Variants in LOC128125814 observed in about 807,000 individuals in gnomAD.
At chr12:57,518,111 C>A in the LOC128125814 span, among the ~76,000 whole-genome samples, 1 of 151,678 alleles carries the variant, frequency 6.6e-6, no homozygotes. Flanking sequence ...AGCTACCGTG[C>A]TGGGCCCTTA....
the LOC128125814 span, among the ~76,000 whole-genome samples, chr12:57,520,138 T>A: frequency 6.6e-6 from 1 of 152,330 alleles, no homozygotes; most frequent in African/African-American, 2.4e-5. Flanking sequence ...AGGCCTGAAG[T>A]TGGCTACGGG....
chr12:57,519,664 C>A, the LOC128125814 span, among the ~76,000 whole-genome samples: 6 of 152,222 alleles, frequency 3.9e-5, no homozygotes, highest in Admixed American at 6.5e-5. Context: ...GGTCAGAAGG[C>A]TGCAGAGCCA....
At chr12:57,520,238 G>T in the LOC128125814 span, among the ~76,000 whole-genome samples, 1 of 152,198 alleles carries the variant, frequency 6.6e-6, no homozygotes. Flanking sequence ...GGGGTGGAGA[G>T]ACGCCGTCGT....
At chr12:57,520,421 TCTC>T in the LOC128125814 span, 1 of 398,560 alleles carries the variant, frequency 2.5e-6, no homozygotes, top group East Asian at 3.6e-5. Context: ...TACTCGCCTC[TCTC>T]CTCAGGTTCC....
chr12:57,517,825 T>C, the LOC128125814 span: 1 of 430,038 alleles, frequency 2.3e-6, no homozygotes, highest in Non-Finnish European at 4.0e-6. Flanking sequence ...TTTTTCTTTT[T>C]TTCTTTCTTT....
the LOC128125814 span, among the ~76,000 whole-genome samples, chr12:57,518,302 T>C: frequency 6.6e-6 from 1 of 152,184 alleles, no homozygotes; most frequent in Non-Finnish European, 1.5e-5. Flanking sequence ...CTCAGCTTTC[T>C]CTAAATCCAA....
the LOC128125814 span, chr12:57,517,832 C>CT: frequency 0.22 from 78,833 of 365,838 alleles, 2,950 homozygotes; most frequent in East Asian, 0.29. Flanking sequence ...TTTTTTCTTT[C>CT]TTTTTTTTTT....
chr12:57,517,957 G>C, the LOC128125814 span, among the ~76,000 whole-genome samples: 1 of 152,006 alleles, frequency 6.6e-6, no homozygotes, highest in African/African-American at 2.4e-5. Context: ...CTCCCGAGTA[G>C]CTGGGACTAC....
At chr12:57,517,825 TTTC>T in the LOC128125814 span, 1 of 430,038 alleles carries the variant, frequency 2.3e-6, no homozygotes, top group East Asian at 3.4e-5. Context: ...TTTTTCTTTT[TTTC>T]TTTCTTTTTT....
the LOC128125814 span, among the ~76,000 whole-genome samples, chr12:57,520,001 TGGG>T: frequency 6.6e-6 from 1 of 152,020 alleles, no homozygotes; most frequent in African/African-American, 2.4e-5. Context: ...GAGACAGAAT[TGGG>T]GGTGGGGTAG....
At chr12:57,520,244 G>A in the LOC128125814 span, among the ~76,000 whole-genome samples, 4 of 152,182 alleles carry the variant, frequency 2.6e-5, no homozygotes, top group Non-Finnish European at 5.9e-5. Context: ...GAGAGACGCC[G>A]TCGTCCGAAG....
the LOC128125814 span, among the ~76,000 whole-genome samples, chr12:57,519,728 C>T: frequency 6.6e-6 from 1 of 152,176 alleles, no homozygotes; most frequent in Non-Finnish European, 1.5e-5. Context: ...GAGACAGGAC[C>T]GGGTTAAAGA....
chr12:57,517,787 T>C, the LOC128125814 span: 1 of 432,536 alleles, frequency 2.3e-6, no homozygotes, highest in Non-Finnish European at 4.1e-6. Context: ...CAGCCATTTT[T>C]GGAAGGGGGA....
the LOC128125814 span, among the ~76,000 whole-genome samples, chr12:57,519,581 G>A: frequency 9.8e-5 from 15 of 152,340 alleles, no homozygotes; most frequent in African/African-American, 3.6e-4. Context: ...TCTCTGCAGG[G>A]CTGTCCTCCC....
Sources: gnomAD v4.1 joint callset for allele counts (sites outside exome capture counted in the v4.1 genomes callset) on GRCh38, gnomAD v4.1.1 for gene constraint, MANE v1.5 for transcripts.